The following RASA3 variants were observed in gnomAD, a reference collection of about 807,000 sequenced individuals.
RASA3 encodes RAS p21 protein activator 3, also known as ras GTPase-activating protein 3.
In RASA3, 73 loss-of-function variants were observed where a neutral mutation model predicts 110.0. The observed-to-expected ratio is 0.66, with a 90% confidence interval of 0.55 to 0.81. RASA3 has a LOEUF of 0.81. Among genes scored for constraint, RASA3 ranks in the 30% least tolerant of loss-of-function variants. RASA3 has a pLI of 0.00. For synonymous variants in RASA3, 500 were observed against 451.4 expected, an observed-to-expected ratio of 1.11 and a Z score of -1.37; for missense variants, 976 against 1,113.2, an observed-to-expected ratio of 0.88 and a Z score of 1.75.
chr13:114,132,531 C>G lies in RASA3; in HGVS notation c.-42G>C, dbSNP rs763715438. ...CGCCGAGCCTCGCCCCAAGCGCGCGCCGAGCCCGGGCAGCTCAGGCCGAGC... is the reference window on the plus strand; with the variant it reads ...CGCCGAGCCTCGCCCCAAGCGCGCGGCGAGCCCGGGCAGCTCAGGCCGAGC... On this transcript the variant is annotated 5_prime_UTR_variant, in exon 1 of 24. Coordinates refer to ENST00000334062, the MANE Select transcript of RASA3 (RefSeq NM_007368.4). 6 of 1,442,632 alleles carry G rather than the reference C, an allele frequency of 4.2e-6. No homozygotes were observed. In the South Asian group the frequency reaches 8.1e-5, roughly 19 times the overall value. 89.4% of individuals were successfully genotyped at this position (1,442,632 alleles called of 1,614,324 possible).
intron 7 of RASA3, among the ~76,000 whole-genome samples, 187 bp downstream of exon 7, chr13:114,027,202 G>A (rs1359302150): frequency 6.6e-6 from 1 of 151,718 alleles, no homozygotes; most frequent in Non-Finnish European, 1.5e-5. Flanking sequence ...TCTCCGGAAG[G>A]AACCCAGGGC....
intron 3 of RASA3, 129 bp downstream of exon 3, chr13:114,051,923 G>A (rs1214625521): frequency 1.5e-6 from 1 of 651,336 alleles, no homozygotes; most frequent in Non-Finnish European, 2.7e-6. Flanking sequence ...GAACACCCAG[G>A]GCTGCTGTGA....
At chr13:114,062,019 G>A (rs1223642408) in intron 2 of RASA3, among the ~76,000 whole-genome samples, 14 of 152,254 alleles carry the variant, frequency 9.2e-5, no homozygotes, top group African/African-American at 1.2e-4. Context: ...GGCGGGGGTC[G>A]GACTGACGCC....
At chr13:114,103,397 C>T (rs1419688233) in intron 1 of RASA3, among the ~76,000 whole-genome samples, 1 of 152,098 alleles carries the variant, frequency 6.6e-6, no homozygotes, top group Non-Finnish European at 1.5e-5. Flanking sequence ...GCCCCAGACA[C>T]ACACTACATC....
intron 22 of RASA3, among the ~76,000 whole-genome samples, chr13:113,984,414 C>A (rs2053003971): frequency 1.3e-5 from 1 of 77,134 alleles, no homozygotes; most frequent in Non-Finnish European, 2.9e-5. Context: ...TCACTCACCC[C>A]TTTGTCCATG....
At position 113,989,807 on chromosome 13, in the gene RASA3, T is replaced by C. The variant is rs573274175; in HGVS notation, c.2245+2678A>G. Among the ~76,000 whole-genome samples the C allele has an allele frequency of 5.9e-5, 9 of 152,362 alleles. No homozygotes were observed. In the South Asian group the frequency reaches 6.2e-4, roughly 11 times the overall value. The stretch of plus-strand genomic sequence containing the variant: ...GCACACCCATCCAGGTGCTAGGCAC[T>C]TCCTCTGTGCCAGGCCCAGGAAGGT... On this transcript the variant is annotated intron_variant, in intron 22 of 23. Coordinates refer to ENST00000334062, the MANE Select transcript of RASA3 (RefSeq NM_007368.4).
chr13:114,033,616 C>T (rs1419257695), intron 4 of RASA3, among the ~76,000 whole-genome samples: 6 of 137,542 alleles, frequency 4.4e-5, no homozygotes, highest in Admixed American at 7.2e-5. Flanking sequence ...CTTGACACCA[C>T]GCCCCACGGA....
chr13:114,057,149 T>C lies in RASA3; in HGVS notation c.174-4994A>G. ...TTTGCATGTCTGATGTCGTTTATTC[T>C]AGTGGTTCCAATTGCCTATTTTAAT... On this transcript the variant is annotated intron_variant, in intron 2 of 23. Transcript: ENST00000334062. The surrounding 1 kb of genome is among the most constrained non-coding windows in gnomAD (Gnocchi z 5.0). 3.2e-6 allele frequency: 3 copies of C among 942,582 alleles called. No homozygotes were observed. The highest frequency in any genetic ancestry group is 3.8e-6 in the Non-Finnish European group (3 of 790,956). 58.4% of individuals were successfully genotyped at this position (942,582 alleles called of 1,614,324 possible). A position where few individuals can be genotyped will look rare whatever the true frequency, so the allele number is the denominator to read the frequency against.
At chr13:114,005,473 A>G (rs1157884989) in intron 18 of RASA3, among the ~76,000 whole-genome samples, 1 of 151,402 alleles carries the variant, frequency 6.6e-6, no homozygotes, top group East Asian at 1.9e-4. Flanking sequence ...GTCCCCCTCC[A>G]AGGTCACCGA....
At chr13:113,989,012 T>C (rs1407564910) in intron 22 of RASA3, among the ~76,000 whole-genome samples, 1 of 142,476 alleles carries the variant, frequency 7.0e-6, no homozygotes, top group Non-Finnish European at 1.5e-5. Context: ...CATCCACCCA[T>C]CACTCACCCA....
rs1027921826 is a variant in RASA3, at chr13:114,115,697, C to G, written c.55+16738G>C. Reference sequence around the variant, plus strand: ...TTTTACCCTACAAACGCTCTCTAACCGGTCCAGAGGTCAGAAACAGCCGCA... The same window carrying G: ...TTTTACCCTACAAACGCTCTCTAACGGGTCCAGAGGTCAGAAACAGCCGCA... On this transcript the variant is annotated intron_variant, in intron 1 of 23. Coordinates refer to ENST00000334062, the MANE Select transcript of RASA3 (RefSeq NM_007368.4). This position sits in a 1 kb window ranked among gnomAD's most constrained non-coding sequence, Gnocchi z 5.0. Among the ~76,000 whole-genome samples the G allele has an allele frequency of 1.3e-5, 2 of 152,106 alleles. No homozygotes were observed. The highest frequency in any genetic ancestry group is 2.9e-5 in the Non-Finnish European group (2 of 68,030).
chr13:114,030,341 G>A (rs964261998), intron 4 of RASA3, among the ~76,000 whole-genome samples: 5 of 152,144 alleles, frequency 3.3e-5, no homozygotes, highest in Non-Finnish European at 7.3e-5. Flanking sequence ...CAGGAACCTC[G>A]GAGAGCTCAC....
intron 2 of RASA3, among the ~76,000 whole-genome samples, chr13:114,069,214 T>C (rs2079510804): frequency 6.6e-6 from 1 of 151,952 alleles, no homozygotes; most frequent in African/African-American, 2.4e-5. Context: ...ACGGCGATAT[T>C]GGGCAACAGC....
At chr13:114,024,403 C>A (rs762709595) in intron 7 of RASA3, 48 bp from the exon 8 acceptor site, 2 of 1,575,082 alleles carry the variant, frequency 1.3e-6, no homozygotes, top group East Asian at 2.2e-5. Flanking sequence ...TGCCACCAGG[C>A]GGGGGTATAT....
rs763206248 is a variant in RASA3, at chr13:113,981,689, C to T, written c.2415G>A (p.Thr805=). 47 of 1,613,190 alleles carry T rather than the reference C, an allele frequency of 2.9e-5. No homozygotes were observed. The highest frequency in any genetic ancestry group is 3.6e-5 in the Non-Finnish European group (42 of 1,179,574). ...AQYKRDKFKK[T]KYGSQEHPIG... ...GTGGCACTCACTGGCTTCCATATTT[C>T]GTCTTCTTGAACTTGTCCCTCTTAT... The change falls in exon 23 of 24, where the codon ACG becomes ACA. Residue 805 remains threonine (T), a synonymous_variant. Coordinates refer to ENST00000334062, the MANE Select transcript of RASA3 (RefSeq NM_007368.4).
Position 113,999,573 on chromosome 13 carries a change from C to A in RASA3, c.1932+12G>T, listed in dbSNP as rs759806865. On this transcript the variant is annotated intron_variant, in intron 20 of 23. Transcript: ENST00000334062. Reference sequence around the variant, plus strand: ...TCAACCCGAAAGAGAGGCTTGGGGGCCCCACACTCACGTTTTTCATTTTGA... The same window carrying A: ...TCAACCCGAAAGAGAGGCTTGGGGGACCCACACTCACGTTTTTCATTTTGA... 4.3e-5 allele frequency: 69 copies of A among 1,609,604 alleles called. No homozygotes were observed. The highest frequency in any genetic ancestry group is 1.7e-4 in the Middle Eastern group (1 of 6,060).
At chr13:114,021,379 G>T in intron 9 of RASA3, 25 bp downstream of exon 9, 1 of 1,601,262 alleles carries the variant, frequency 6.2e-7, no homozygotes, top group Non-Finnish European at 8.6e-7. Context: ...AGATGCGGAA[G>T]TCTGCAGGTG....
intron 2 of RASA3, among the ~76,000 whole-genome samples, chr13:114,070,832 C>T (rs1461516779): frequency 3.7e-5 from 5 of 136,972 alleles, no homozygotes; most frequent in East Asian, 4.4e-4. Context: ...GCAGGGCTGC[C>T]GGCGTCCACG....
intron 4 of RASA3, among the ~76,000 whole-genome samples, chr13:114,033,808 G>T (rs983279996): frequency 2.0e-5 from 3 of 152,242 alleles, no homozygotes; most frequent in African/African-American, 7.2e-5. Flanking sequence ...GTTGGGTGTG[G>T]CCTTCCCGCC....
Sources: allele counts gnomAD v4.1 joint callset (sites outside exome capture counted in the v4.1 genomes callset), GRCh38; gene constraint gnomAD v4.1.1; non-coding constraint Gnocchi (gnomAD v3.1); transcripts MANE v1.5; gene names NCBI Gene and HGNC (gene_info 2026-07-23, HGNC 2026-07-21).